The following DLGAP2 variants were observed in gnomAD, a reference collection of about 807,000 sequenced individuals.
The protein encoded by DLGAP2 is disks large-associated protein 2.
DLGAP2 carries 26 observed loss-of-function variants against 100.3 expected under a neutral mutation model. That is an observed-to-expected ratio of 0.26 (90% CI 0.19 to 0.36). The LOEUF (loss-of-function observed/expected upper bound fraction) is 0.36. Among genes scored for constraint, DLGAP2 ranks in the 10% least tolerant of loss-of-function variants. The probability of loss-of-function intolerance (pLI) is 1.00; values close to 1 mark genes in which losing one functional copy is unlikely to be tolerated. For missense variants in DLGAP2, 1,858 were observed against 1,453.2 expected (o/e 1.28, Z -4.53); for synonymous variants, 886 against 630.1 (o/e 1.41, Z -6.08).
At chr8:1,240,110 G>C (rs1172475395) in intron 2 of DLGAP2, among the ~76,000 whole-genome samples, 2 of 149,004 alleles carry the variant, frequency 1.3e-5, no homozygotes, top group Admixed American at 1.3e-4. Context: ...ATGGCGCCAT[G>C]TCTAGTTACC....
In DLGAP2 at chr8:743,964, G is replaced by A. The variant is rs763927055; in HGVS notation, c.18+6139G>A. ...AGGGCTGAAGACGTGGATTCACGTC[G>A]TGTGTCCTGCAGACAACAGCAGTTT... On this transcript the variant is annotated intron_variant, in intron 1 of 14. Transcript: ENST00000637795. 7.2e-5 allele frequency among the ~76,000 whole-genome samples: 11 copies of A among 152,266 alleles called. No individual in the cohort carries two copies. In the South Asian group the frequency reaches 1.2e-3, roughly 17 times the overall value.
chr8:1,596,218 C>A (rs1796455506), intron 6 of DLGAP2, among the ~76,000 whole-genome samples: 2 of 152,170 alleles, frequency 1.3e-5, no homozygotes, highest in South Asian at 4.1e-4. Context: ...TTTTTTATGG[C>A]TGCATAGTAT....
intron 2 of DLGAP2, among the ~76,000 whole-genome samples, chr8:926,781 G>C (rs1798825331): frequency 6.6e-6 from 1 of 152,256 alleles, no homozygotes; most frequent in Non-Finnish European, 1.5e-5. Context: ...ACACAGAGCT[G>C]GCCGCACCCA....
At chr8:1,114,201 C>T (rs2336698) in intron 2 of DLGAP2, among the ~76,000 whole-genome samples, 137,595 of 152,138 alleles carry the variant, frequency 0.9, 62,443 homozygotes, top group Non-Finnish European at 0.94. Flanking sequence ...ATTAGGATGA[C>T]GCTGGCCTCA....
intron 2 of DLGAP2, among the ~76,000 whole-genome samples, chr8:1,199,939 C>CA (rs1797833988): frequency 6.6e-6 from 1 of 151,958 alleles, no homozygotes; most frequent in African/African-American, 2.4e-5. Context: ...GGAAGGATTC[C>CA]CCCCCACAAC....
intron 8 of DLGAP2, among the ~76,000 whole-genome samples, chr8:1,650,685 C>T (rs1798141333): frequency 6.6e-6 from 1 of 151,994 alleles, no homozygotes; most frequent in South Asian, 2.1e-4. Context: ...GTTGCTGGAG[C>T]AGAGATGGGA....
In DLGAP2 at chr8:938,853, A is replaced by T. The variant is rs372524319; in HGVS notation, c.73+30887A>T. ...TCAGAGGCCAAGGAGAGGGCAGAGGATGGGAGAGAAAATGGCAGAAACTCC... is the reference window on the plus strand; with the variant it reads ...TCAGAGGCCAAGGAGAGGGCAGAGGTTGGGAGAGAAAATGGCAGAAACTCC... On this transcript the variant is annotated intron_variant, in intron 2 of 14. Transcript: ENST00000637795. 3.3e-4 allele frequency among the ~76,000 whole-genome samples: 50 copies of T among 152,264 alleles called. 1 individual carries two copies. In the South Asian group the frequency reaches 0.01, roughly 32 times the overall value.
At chr8:1,669,323 A>T (rs1408561848) in intron 9 of DLGAP2, among the ~76,000 whole-genome samples, 1 of 152,190 alleles carries the variant, frequency 6.6e-6, no homozygotes, top group African/African-American at 2.4e-5. Flanking sequence ...TTCCCCGTGA[A>T]TGGAGAGCTC....
intron 2 of DLGAP2, among the ~76,000 whole-genome samples, chr8:1,086,410 G>A (rs1342654650): frequency 6.6e-6 from 1 of 152,032 alleles, no homozygotes; most frequent in East Asian, 1.9e-4. Flanking sequence ...GTCATATATG[G>A]CCTTTGTTGT....
At chr8:1,493,522 A>T (rs890167745) in intron 3 of DLGAP2, among the ~76,000 whole-genome samples, 3 of 152,224 alleles carry the variant, frequency 2.0e-5, no homozygotes, top group African/African-American at 7.2e-5. Flanking sequence ...ACCCCAGGGA[A>T]GACCCAGAGA....
chr8:1,111,477 T>C (rs1804957336), intron 2 of DLGAP2, among the ~76,000 whole-genome samples: 1 of 152,096 alleles, frequency 6.6e-6, no homozygotes, highest in African/African-American at 2.4e-5. Context: ...CAGAGATGTA[T>C]TGTATAGGTT....
chr8:999,011 A>T (rs974761260), intron 2 of DLGAP2, among the ~76,000 whole-genome samples: 1 of 152,156 alleles, frequency 6.6e-6, no homozygotes, highest in Non-Finnish European at 1.5e-5. Context: ...TGAGATGAAC[A>T]TTGCTGCCTC....
At chr8:1,482,740 C>G (rs191813582) in intron 3 of DLGAP2, among the ~76,000 whole-genome samples, 18 of 152,236 alleles carry the variant, frequency 1.2e-4, no homozygotes, top group African/African-American at 3.9e-4. Flanking sequence ...CTGTAGCCCT[C>G]GGCGTCTCCC....
At chr8:912,849 C>T (rs918337497) in intron 2 of DLGAP2, among the ~76,000 whole-genome samples, 2 of 149,970 alleles carry the variant, frequency 1.3e-5, no homozygotes, top group African/African-American at 2.5e-5. Flanking sequence ...GTGGAGCTGA[C>T]CCCCGCACCA....
intron 7 of DLGAP2, among the ~76,000 whole-genome samples, chr8:1,632,589 G>A (rs529578881): frequency 1.1e-3 from 172 of 152,224 alleles, no homozygotes; most frequent in South Asian, 3.1e-3. Flanking sequence ...TTTGCCTTGC[G>A]GTCCCCCAGA....
intron 1 of DLGAP2, among the ~76,000 whole-genome samples, chr8:904,291 G>A (rs921342966): frequency 6.6e-6 from 1 of 152,152 alleles, no homozygotes; most frequent in African/African-American, 2.4e-5. Context: ...AGGCCGAGGT[G>A]GGTGGATTGC....
chr8:1,367,645 A>G (rs1480762369), intron 3 of DLGAP2, among the ~76,000 whole-genome samples: 1 of 152,222 alleles, frequency 6.6e-6, no homozygotes, highest in Non-Finnish European at 1.5e-5. Flanking sequence ...TTTGGAAGGT[A>G]ATTGTGGTTG....
At chr8:1,006,090 G>A (rs1033405748) in intron 2 of DLGAP2, among the ~76,000 whole-genome samples, 1 of 152,150 alleles carries the variant, frequency 6.6e-6, no homozygotes, top group African/African-American at 2.4e-5. Flanking sequence ...TCGGGAGGCT[G>A]AGGCAGGAGA....
At chr8:1,126,075 C>T (rs907114670) in intron 2 of DLGAP2, among the ~76,000 whole-genome samples, 1 of 152,216 alleles carries the variant, frequency 6.6e-6, no homozygotes, top group Non-Finnish European at 1.5e-5. Flanking sequence ...TCTTCGAACA[C>T]GCGGGAAATC....
Sources: gnomAD v4.1 joint callset for allele counts (sites outside exome capture counted in the v4.1 genomes callset) on GRCh38, gnomAD v4.1.1 for gene constraint, MANE v1.5 for transcripts, NCBI Gene and HGNC (gene_info 2026-07-23, HGNC 2026-07-21) for gene names.